The following EDA variants were observed in gnomAD, a reference collection of about 807,000 sequenced individuals.
EDA encodes the protein ectodysplasin-A.
EDA carries 2 observed loss-of-function variants against 23.6 expected under a neutral mutation model. The ratio of observed to expected loss-of-function variants is 0.08; its 90% CI spans 0.03 to 0.27. The LOEUF is 0.27. EDA is among the 10% of genes least tolerant of loss of function. The pLI is 1.00. For synonymous variants in EDA, 131 were observed against 132.0 expected, an observed-to-expected ratio of 0.99 and a Z score of 0.05; for missense variants, 229 against 324.2, an observed-to-expected ratio of 0.71 and a Z score of 2.26.
chrX:69,891,013 A>G (rs998391945), intron 1 of EDA, among the ~76,000 whole-genome samples: 4 of 111,409 alleles, frequency 3.6e-5, no homozygotes, highest in African/African-American at 1.3e-4. Context: ...CCTAATATCC[A>G]GCATCTGTAA....
chrX:69,955,914 A>T (rs2018993322), intron 1 of EDA, among the ~76,000 whole-genome samples: 1 of 112,232 alleles, frequency 8.9e-6, no homozygotes. Context: ...TAAAGCACTC[A>T]TGCTAAAAGA....
chrX:69,957,097 G>A lies in EDA; in HGVS notation c.467G>A (p.Arg156His), dbSNP rs132630314. The A allele has an allele frequency of 1.7e-6, 2 of 1,209,437 alleles. No individual in the cohort carries two copies. The highest frequency in any genetic ancestry group is 2.2e-6 in the Non-Finnish European group (2 of 894,553). The change falls in exon 2 of 8, where the codon CGC becomes CAC. Residue 156 changes from arginine (R) to histidine (H), a missense_variant. Transcript: ENST00000374552. The part of the protein sequence containing the change: ...YSEEESRRVR[R>H]NKRSKSNEGA... The stretch of plus-strand genomic sequence containing the variant: ...GAAGAAGAAAGTAGGCGTGTTCGCC[G>A]CAATAAAAGAAGCAAAAGCAATGAA...
At chrX:69,958,691 TAA>T (rs34586053) in intron 2 of EDA, among the ~76,000 whole-genome samples, 1 of 111,367 alleles carries the variant, frequency 9.0e-6, no homozygotes, top group Non-Finnish European at 1.9e-5. Flanking sequence ...GTCCATGTAG[TAA>T]AAGTTACCCA....
chrX:69,685,659 T>C lies in EDA; in HGVS notation c.396+68955T>C, dbSNP rs760582651. 1.6e-4 allele frequency among the ~76,000 whole-genome samples: 18 copies of C among 112,179 alleles called. No individual in the cohort carries two copies. The South Asian group carries it at 5.6e-3, about 35-fold the overall frequency. On this transcript the variant is annotated intron_variant, in intron 1 of 7. Coordinates refer to ENST00000374552, the MANE Select transcript of EDA (RefSeq NM_001399.5). The stretch of plus-strand genomic sequence containing the variant: ...TTTTAAAGAACAAGATAAATAGGTT[T>C]CTAGTCCCCCACATCCAAATATTTT...
chrX:69,832,631 G>T lies in EDA; in HGVS notation c.397-124396G>T, dbSNP rs374237222. 4.7e-4 allele frequency among the ~76,000 whole-genome samples: 53 copies of T among 111,771 alleles called. No homozygotes were observed. The South Asian group carries it at 0.018, about 39-fold the overall frequency. ...TTGAATCTATAAATTACTTGGGGAA[G>T]TATGGCCATTTTCACAATATTGATT... On this transcript the variant is annotated intron_variant, in intron 1 of 7. Coordinates refer to ENST00000374552, the MANE Select transcript of EDA (RefSeq NM_001399.5).
intron 1 of EDA, among the ~76,000 whole-genome samples, chrX:69,823,853 C>A (rs1247077938): frequency 1.1e-5 from 1 of 89,602 alleles, no homozygotes; most frequent in African/African-American, 4.4e-5. Context: ...AGTCTTTAAT[C>A]CATCTTGAAT....
At chrX:69,826,683 C>G (rs2147529788) in intron 1 of EDA, among the ~76,000 whole-genome samples, 1 of 109,297 alleles carries the variant, frequency 9.1e-6, no homozygotes, top group Non-Finnish European at 1.9e-5. Flanking sequence ...TTAATTGGAG[C>G]ATTTAGTCCA....
At chrX:69,793,281 G>A (rs1162206880) in intron 1 of EDA, among the ~76,000 whole-genome samples, 1 of 111,280 alleles carries the variant, frequency 9.0e-6, no homozygotes, top group Non-Finnish European at 1.9e-5. Context: ...TTATTTTGTA[G>A]TTTGCATTCT....
At chrX:69,655,662 C>T (rs1933285097) in intron 1 of EDA, among the ~76,000 whole-genome samples, 2 of 102,361 alleles carry the variant, frequency 2.0e-5, no homozygotes, top group South Asian at 9.2e-4. Flanking sequence ...GGATTTGGAC[C>T]ACATATTTTC....
At chrX:69,673,020 C>G (rs888858105) in intron 1 of EDA, among the ~76,000 whole-genome samples, 1 of 111,596 alleles carries the variant, frequency 9.0e-6, no homozygotes, top group Non-Finnish European at 1.9e-5. Flanking sequence ...TGCCCTATAA[C>G]TTGGCTACTG....
intron 2 of EDA, among the ~76,000 whole-genome samples, chrX:70,013,787 G>C (rs2019908625): frequency 9.0e-6 from 1 of 110,999 alleles, no homozygotes; most frequent in Admixed American, 9.5e-5. Context: ...TACTGCCCTT[G>C]CTGCTCTCTG....
intron 1 of EDA, among the ~76,000 whole-genome samples, chrX:69,829,023 C>A (rs766641647): frequency 1.8e-5 from 2 of 112,414 alleles, no homozygotes; most frequent in East Asian, 5.6e-4. Context: ...TCCACTTATG[C>A]CCCTTCATCA....
At chrX:69,789,020 A>G (rs1056990668) in intron 1 of EDA, among the ~76,000 whole-genome samples, 3 of 112,358 alleles carry the variant, frequency 2.7e-5, no homozygotes, top group East Asian at 2.8e-4. Context: ...GCCTGTCGGA[A>G]AAGCGCAGTA....
chrX:69,637,772 A>G (rs1932794227), intron 1 of EDA, among the ~76,000 whole-genome samples: 1 of 111,487 alleles, frequency 9.0e-6, no homozygotes, highest in African/African-American at 3.3e-5. Flanking sequence ...AGTGCTTGGC[A>G]TATAGTAAGT....
rs764861022 is a variant in EDA at position 69,818,398 on chromosome X, T to A, written c.397-138629T>A. Among the ~76,000 whole-genome samples, 6 of 111,233 alleles carry A rather than the reference T, an allele frequency of 5.4e-5. No individual in the cohort carries two copies. The South Asian group carries it at 1.9e-3, about 35-fold the overall frequency. ...AGCTGAACTAAAGGAGATAGAGACA[T>A]GAAAAACCCTTTGAAAGCTCAACAA... On this transcript the variant is annotated intron_variant, in intron 1 of 7. Transcript: ENST00000374552.
chrX:69,785,441 G>C (rs1207598319), intron 1 of EDA, among the ~76,000 whole-genome samples: 5 of 102,907 alleles, frequency 4.9e-5, no homozygotes, highest in East Asian at 2.8e-4. Context: ...GTCATAGATA[G>C]CTCTTATTAT....
At chrX:69,815,349 A>G (rs2016054619) in intron 1 of EDA, among the ~76,000 whole-genome samples, 1 of 108,437 alleles carries the variant, frequency 9.2e-6, no homozygotes, top group Non-Finnish European at 1.9e-5. Flanking sequence ...GCTGGGTGGG[A>G]CATCCCTGCA....
chrX:69,697,449 G>C (rs1211154815), intron 1 of EDA, among the ~76,000 whole-genome samples: 2 of 111,503 alleles, frequency 1.8e-5, no homozygotes, highest in Non-Finnish European at 3.8e-5. Context: ...TATAGAAAAA[G>C]GGAAAAGCGA....
At chrX:69,665,005 T>G (rs757446172) in intron 1 of EDA, among the ~76,000 whole-genome samples, 1 of 112,270 alleles carries the variant, frequency 8.9e-6, no homozygotes, top group East Asian at 2.8e-4. Context: ...ATAGCCATTC[T>G]AGTGGGTGTG....
Sources: allele counts gnomAD v4.1 joint callset (sites outside exome capture counted in the v4.1 genomes callset), GRCh38; gene constraint gnomAD v4.1.1; transcripts MANE v1.5; gene names NCBI Gene and HGNC (gene_info 2026-07-23, HGNC 2026-07-21).